Variants in NRG1 observed in about 807,000 individuals in gnomAD.
NRG1 encodes the protein pro-neuregulin-1, membrane-bound isoform.
Under a neutral mutation model 63.8 loss-of-function variants are expected in NRG1, and 18 were observed. The ratio of observed to expected loss-of-function variants is 0.28; its 90% CI spans 0.19 to 0.42. NRG1 has a LOEUF of 0.42. Ranked by LOEUF, NRG1 falls within the 10% of genes least tolerant of loss-of-function variation. The probability of loss-of-function intolerance (pLI) is 1.00; values close to 1 mark genes in which losing one functional copy is unlikely to be tolerated. For missense variants in NRG1, 762 were observed against 814.7 expected (o/e 0.94, Z 0.79); for synonymous variants, 302 against 301.3 (o/e 1.00, Z -0.02).
intron 1 of NRG1, among the ~76,000 whole-genome samples, chr8:32,002,399 T>G (rs746549881): frequency 2.0e-5 from 3 of 152,080 alleles, no homozygotes; most frequent in Non-Finnish European, 2.9e-5. Context: ...TACATCAATA[T>G]AGGCTTATGG....
At chr8:32,082,301 A>G (rs992656942) in intron 1 of NRG1, among the ~76,000 whole-genome samples, 2 of 151,780 alleles carry the variant, frequency 1.3e-5, no homozygotes, top group Non-Finnish European at 2.9e-5. Context: ...AGGTTACTTC[A>G]TCACCCAGGG....
chr8:31,971,261 A>G (rs1381564302), intron 1 of NRG1, among the ~76,000 whole-genome samples: 2 of 152,190 alleles, frequency 1.3e-5, no homozygotes, highest in African/African-American at 4.8e-5. Flanking sequence ...TTCAAAGAGC[A>G]AAAATTCTTA....
At chr8:32,361,248 G>A (rs746585335) in intron 1 of NRG1, among the ~76,000 whole-genome samples, 3 of 152,018 alleles carry the variant, frequency 2.0e-5, no homozygotes, top group Non-Finnish European at 4.4e-5. Context: ...ACAACATGGC[G>A]CCACATCAGA....
At chr8:31,754,130 C>T (rs1816741634) in intron 1 of NRG1, among the ~76,000 whole-genome samples, 1 of 152,084 alleles carries the variant, frequency 6.6e-6, no homozygotes, top group Admixed American at 6.6e-5. Context: ...CAGCCAATGA[C>T]ATATCTTTTA....
In NRG1 at chr8:32,467,371, G is replaced by A. The variant is rs1823201090; in HGVS notation, c.38-128457G>A. Among the ~76,000 whole-genome samples the A allele has an allele frequency of 2.0e-5, 3 of 152,218 alleles. No individual in the cohort carries two copies. In the South Asian group the frequency reaches 6.2e-4, roughly 32 times the overall value. On this transcript the variant is annotated intron_variant, in intron 1 of 10. Transcript: ENST00000519301. Reference sequence around the variant, plus strand: ...GGTCCCGGAGCCCCCATGAAAGTGTGCTGTAGACCAGGACCACTGTTGCCC... The same window carrying A: ...GGTCCCGGAGCCCCCATGAAAGTGTACTGTAGACCAGGACCACTGTTGCCC...
chr8:32,754,716 A>G (rs994952739), intron 8 of NRG1, among the ~76,000 whole-genome samples: 1 of 152,170 alleles, frequency 6.6e-6, no homozygotes, highest in East Asian at 1.9e-4. Context: ...CTGAGTGGAT[A>G]AAGGCCTGGA....
chr8:32,555,627 A>T (rs541056228), intron 1 of NRG1, among the ~76,000 whole-genome samples: 34 of 149,484 alleles, frequency 2.3e-4, no homozygotes, highest in African/African-American at 7.4e-4. Context: ...GCCCACCACC[A>T]CGCCCGGCTG....
chr8:32,727,449 A>G (rs1184425534), intron 5 of NRG1, among the ~76,000 whole-genome samples: 2 of 152,224 alleles, frequency 1.3e-5, no homozygotes, highest in African/African-American at 4.8e-5. Flanking sequence ...TTTGGAACAA[A>G]TAAGCCAACT....
At chr8:31,987,989 A>G (rs1220071764) in intron 1 of NRG1, among the ~76,000 whole-genome samples, 1 of 152,110 alleles carries the variant, frequency 6.6e-6, no homozygotes, top group Non-Finnish European at 1.5e-5. Flanking sequence ...AGCTAAGACT[A>G]AAGTCCAGAT....
intron 1 of NRG1, among the ~76,000 whole-genome samples, chr8:32,341,208 T>C (rs1368977187): frequency 6.6e-6 from 1 of 152,210 alleles, no homozygotes. Context: ...GAAACCCGAA[T>C]TCCAGATAGG....
chr8:32,584,380 C>T (rs971372103), intron 1 of NRG1, among the ~76,000 whole-genome samples: 2 of 152,104 alleles, frequency 1.3e-5, no homozygotes, highest in African/African-American at 4.8e-5. Context: ...TTAGGTTGTC[C>T]ATGGACCTGC....
intron 1 of NRG1, among the ~76,000 whole-genome samples, chr8:32,114,421 A>G (rs924534279): frequency 1.1e-4 from 16 of 152,178 alleles, no homozygotes; most frequent in Non-Finnish European, 2.2e-4. Context: ...AAAGCTCTGC[A>G]GAGATAACTG....
intron 1 of NRG1, among the ~76,000 whole-genome samples, chr8:31,730,832 TA>T: frequency 6.6e-6 from 1 of 152,100 alleles, no homozygotes; most frequent in East Asian, 1.9e-4. Flanking sequence ...TAAGTAAAAT[TA>T]AAAGAGAAGT....
intron 1 of NRG1, among the ~76,000 whole-genome samples, chr8:31,759,155 T>C (rs907755162): frequency 8.5e-5 from 13 of 152,272 alleles, no homozygotes; most frequent in South Asian, 6.2e-4. Flanking sequence ...GATTCTAATA[T>C]GGGAATTGTG....
At chr8:31,884,927 G>T (rs1830610071) in intron 1 of NRG1, among the ~76,000 whole-genome samples, 1 of 152,140 alleles carries the variant, frequency 6.6e-6, no homozygotes, top group Admixed American at 6.6e-5. Flanking sequence ...GACTTTTATG[G>T]AGTGATTTTA....
chr8:31,968,820 G>T (rs1806806803), intron 1 of NRG1, among the ~76,000 whole-genome samples: 1 of 152,132 alleles, frequency 6.6e-6, no homozygotes, highest in Non-Finnish European at 1.5e-5. Flanking sequence ...CATAAATGTG[G>T]CAATTGACAC....
In NRG1 at chr8:31,967,024, G is replaced by C. The variant is rs1197294715; in HGVS notation, c.37+327593G>C. Among the ~76,000 whole-genome samples, 12 of 152,122 alleles carry C rather than the reference G, an allele frequency of 7.9e-5. No individual in the cohort carries two copies. The East Asian group carries it at 2.3e-3, about 29-fold the overall frequency. On this transcript the variant is annotated intron_variant, in intron 1 of 10. Transcript: ENST00000519301. ...TTGCTCTTCTAATTATGTTTTGTTT[G>C]GGATCATATTAAAATTAACTTGTAT...
At chr8:31,719,775 A>C (rs1812717589) in intron 1 of NRG1, among the ~76,000 whole-genome samples, 2 of 152,180 alleles carry the variant, frequency 1.3e-5, no homozygotes, top group African/African-American at 4.8e-5. Context: ...CAAGATAAGA[A>C]ATGGAAATTT....
chr8:32,053,965 T>C (rs913014191), intron 1 of NRG1, among the ~76,000 whole-genome samples: 2 of 152,346 alleles, frequency 1.3e-5, no homozygotes, highest in Admixed American at 1.3e-4. Context: ...AGAAGTAGTA[T>C]TGGCTCATTA....
Sources: gnomAD v4.1 joint callset for allele counts (sites outside exome capture counted in the v4.1 genomes callset) on GRCh38, gnomAD v4.1.1 for gene constraint, MANE v1.5 for transcripts, NCBI Gene and HGNC (gene_info 2026-07-23, HGNC 2026-07-21) for gene names.